The following IQCM variants were observed in gnomAD, a reference collection of about 807,000 sequenced individuals.
IQCM encodes the protein IQ domain-containing protein M.
Under a neutral mutation model 57.6 loss-of-function variants are expected in IQCM, and 45 were observed. That is an observed-to-expected ratio of 0.78 (90% CI 0.62 to 1.00). The LOEUF (loss-of-function observed/expected upper bound fraction) is 1.00, where lower values mean the gene tolerates loss of function less well. Ranked by LOEUF, IQCM falls within the 50% of genes least tolerant of loss-of-function variation. The probability of loss-of-function intolerance (pLI) is 0.00; values close to 1 mark genes in which losing one functional copy is unlikely to be tolerated. For missense variants in IQCM, 468 were observed against 511.6 expected, an observed-to-expected ratio of 0.91 and a Z score of 0.82; for synonymous variants, 148 against 158.9, an observed-to-expected ratio of 0.93 and a Z score of 0.51.
chr4:149,459,768 C>T (rs1437983977), intron 12 of IQCM, among the ~76,000 whole-genome samples: 3 of 152,108 alleles, frequency 2.0e-5, no homozygotes, highest in Non-Finnish European at 4.4e-5. Context: ...CCAGAATTTC[C>T]TTTCTTTTTA....
At chr4:149,376,309 T>C (rs1361186871) in intron 13 of IQCM, among the ~76,000 whole-genome samples, 1 of 152,276 alleles carries the variant, frequency 6.6e-6, no homozygotes, top group East Asian at 1.9e-4. Context: ...AGGGTTATCA[T>C]TGAGTATCAG....
intron 6 of IQCM, among the ~76,000 whole-genome samples, chr4:149,684,374 T>A (rs1762405902): frequency 6.6e-6 from 1 of 151,368 alleles, no homozygotes; most frequent in Admixed American, 6.6e-5. Context: ...GTTGGGCCAA[T>A]ATTTCAATAG....
At chr4:149,489,989 A>G (rs1277415221) in intron 12 of IQCM, among the ~76,000 whole-genome samples, 2 of 151,968 alleles carry the variant, frequency 1.3e-5, no homozygotes, top group African/African-American at 4.8e-5. Flanking sequence ...TAAAAATCCA[A>G]CATTAGAGAA....
At position 149,456,055 on chromosome 4, in the gene IQCM, T is replaced by TA. The variant is rs551961193; in HGVS notation, c.1229-22499dup. On this transcript the variant is annotated intron_variant, in intron 12 of 13. Transcript: ENST00000636793. ...TTAGGTTCATGGCTGAGATCCCTAT[T>TA]AAAAAAAAGAGATTAAAAAGAGAAA... Among the ~76,000 whole-genome samples, 374 of 151,702 alleles carry TA rather than the reference T, an allele frequency of 2.5e-3. 1 individual carries two copies. Among genetic ancestry groups the TA allele is most frequent in the Non-Finnish European group, 4.1e-3 (280 of 67,884 alleles).
chr4:149,570,167 T>C (rs115675396), intron 9 of IQCM, among the ~76,000 whole-genome samples: 6,981 of 152,120 alleles, frequency 0.046, 380 homozygotes, highest in African/African-American at 0.13. Context: ...TAGTTAAATA[T>C]ATATAAAATG....
At chr4:149,591,446 T>G (rs991090937) in intron 8 of IQCM, among the ~76,000 whole-genome samples, 1 of 151,820 alleles carries the variant, frequency 6.6e-6, no homozygotes, top group East Asian at 1.9e-4. Flanking sequence ...CATCCAAATG[T>G]GGTTAAAGGT....
intron 11 of IQCM, among the ~76,000 whole-genome samples, chr4:149,549,256 C>G (rs962012567): frequency 6.6e-6 from 1 of 152,160 alleles, no homozygotes; most frequent in Non-Finnish European, 1.5e-5. Context: ...TGGCTCACGC[C>G]TGTAATCCCA....
intron 7 of IQCM, among the ~76,000 whole-genome samples, chr4:149,649,254 G>A (rs983095994): frequency 1.3e-5 from 2 of 151,992 alleles, no homozygotes; most frequent in African/African-American, 2.4e-5. Flanking sequence ...GCTGGGTGAT[G>A]GAATGGGTTC....
chr4:149,767,081 T>A (rs931979808), intron 2 of IQCM, among the ~76,000 whole-genome samples: 1 of 152,102 alleles, frequency 6.6e-6, no homozygotes, highest in Non-Finnish European at 1.5e-5. Flanking sequence ...GAAATTGTGA[T>A]GCAATTTCAT....
chr4:149,470,744 G>T (rs1739433589), intron 12 of IQCM, among the ~76,000 whole-genome samples: 1 of 151,304 alleles, frequency 6.6e-6, no homozygotes, highest in Non-Finnish European at 1.5e-5. Flanking sequence ...CTCAGCAAAT[G>T]TAATAGAAAT....
chr4:149,453,625 A>C (rs1215949587), intron 12 of IQCM, among the ~76,000 whole-genome samples: 1 of 151,934 alleles, frequency 6.6e-6, no homozygotes, highest in East Asian at 1.9e-4. Flanking sequence ...GATATTCAAC[A>C]TCATAGTCAT....
intron 12 of IQCM, among the ~76,000 whole-genome samples, chr4:149,489,786 TAC>T (rs1419786688): frequency 6.6e-6 from 1 of 151,472 alleles, no homozygotes; most frequent in Non-Finnish European, 1.5e-5. Context: ...TGTATATATA[TAC>T]ACACACACAT....
chr4:149,377,791 G>A (rs187797605), intron 13 of IQCM, among the ~76,000 whole-genome samples: 1 of 152,140 alleles, frequency 6.6e-6, no homozygotes, highest in East Asian at 1.9e-4. Context: ...GCCATATTGG[G>A]AGTATTTAGC....
intron 13 of IQCM, among the ~76,000 whole-genome samples, chr4:149,385,167 A>T (rs539259700): frequency 4.6e-5 from 7 of 152,210 alleles, no homozygotes; most frequent in African/African-American, 1.7e-4. Context: ...TTAAATGTTA[A>T]TGGTTTTAAT....
At chr4:149,609,859 C>G (rs1755123584) in intron 8 of IQCM, among the ~76,000 whole-genome samples, 1 of 151,698 alleles carries the variant, frequency 6.6e-6, no homozygotes, top group Non-Finnish European at 1.5e-5. Context: ...CACTTTTATT[C>G]AACATAGCAC....
chr4:149,719,086 T>C lies in IQCM; in HGVS notation c.385+14158A>G, dbSNP rs148721756. Among the ~76,000 whole-genome samples, 482 of 152,198 alleles carry C rather than the reference T, an allele frequency of 3.2e-3. 3 individuals are homozygous for C. Among genetic ancestry groups the C allele is most frequent in the African/African-American group, 0.011 (439 of 41,540 alleles). On this transcript the variant is annotated intron_variant, in intron 5 of 13. Transcript: ENST00000636793. Reference sequence around the variant, plus strand: ...CAGGCCAGGCATGGTGGCTCATGCCTGTAATCCCAGCACTTTGGGAGGCCG... The same window carrying C: ...CAGGCCAGGCATGGTGGCTCATGCCCGTAATCCCAGCACTTTGGGAGGCCG...
rs150866256 is a variant in IQCM, at chr4:149,416,584, C to T, written c.1390+16812G>A. ...CTAGGTCGGTGATTCTAGTGTGCGG[C>T]GAGGGCTGAGAAACCATATGGCTAG... On this transcript the variant is annotated intron_variant, in intron 13 of 13. Transcript: ENST00000636793. Among the ~76,000 whole-genome samples the T allele has an allele frequency of 3.6e-3, 544 of 152,026 alleles. 5 individuals are homozygous for T. Among genetic ancestry groups the T allele is most frequent in the African/African-American group, 0.012 (507 of 41,470 alleles).
In IQCM at chr4:149,729,864, T is replaced by A. The variant is rs376176954; in HGVS notation, c.385+3380A>T. Among the ~76,000 whole-genome samples the A allele has an allele frequency of 1.1e-3, 164 of 152,294 alleles. 1 individual carries two copies. The highest frequency in any genetic ancestry group is 3.7e-3 in the African/African-American group (155 of 41,556). On this transcript the variant is annotated intron_variant, in intron 5 of 13. Transcript: ENST00000636793. ...CTGCAATGTTAAGTATTAGTAGATATTTGCTCAAAACCAAGACCCTAAGTA... is the reference window on the plus strand; with the variant it reads ...CTGCAATGTTAAGTATTAGTAGATAATTGCTCAAAACCAAGACCCTAAGTA...
At chr4:149,365,780 T>C (rs908158373) in intron 13 of IQCM, among the ~76,000 whole-genome samples, 1 of 151,990 alleles carries the variant, frequency 6.6e-6, no homozygotes, top group African/African-American at 2.4e-5. Context: ...AAATACCCAA[T>C]CGGTAATCCT....
Sources: gnomAD v4.1 joint callset for allele counts (sites outside exome capture counted in the v4.1 genomes callset) on GRCh38, gnomAD v4.1.1 for gene constraint, MANE v1.5 for transcripts, NCBI Gene and HGNC (gene_info 2026-07-23, HGNC 2026-07-21) for gene names.